MAGED1: variants seen among roughly 807,000 people sequenced by gnomAD.
MAGED1 encodes MAGE family member D1, also known as melanoma-associated antigen D1.
A neutral mutation model predicts 54.1 loss-of-function variants in MAGED1; 3 were observed. That is an observed-to-expected ratio of 0.06 (90% CI 0.03 to 0.14). MAGED1 has a LOEUF of 0.14. MAGED1 is among the 10% of genes least tolerant of loss of function. The pLI, the probability that MAGED1 is intolerant of heterozygous loss-of-function variation, is 1.00. For missense variants in MAGED1, 485 were observed against 623.4 expected (o/e 0.78, Z 2.36); for synonymous variants, 217 against 227.3 (o/e 0.95, Z 0.41).
intron 1 of MAGED1, among the ~76,000 whole-genome samples, chrX:51,834,134 G>A (rs1371473484): frequency 2.7e-5 from 3 of 111,451 alleles, no homozygotes; most frequent in Non-Finnish European, 3.8e-5. Flanking sequence ...TTATAATCCC[G>A]TATAAAATCA....
intron 1 of MAGED1, among the ~76,000 whole-genome samples, chrX:51,832,110 G>A (rs1044120754): frequency 9.0e-5 from 10 of 111,245 alleles, no homozygotes; most frequent in African/African-American, 3.3e-4. Context: ...GCGGTTCACT[G>A]CAGCTCCGCC....
chrX:51,896,372 C>G, intron 3 of MAGED1, 37 bp from the exon 4 acceptor site: 1 of 1,126,412 alleles, frequency 8.9e-7, no homozygotes, highest in Non-Finnish European at 1.2e-6. Flanking sequence ...GGACACAGAA[C>G]CCACTGGTGA....
In MAGED1 at chrX:51,901,836, A is replaced by G. The variant is rs150014410; in HGVS notation, c.2243A>G (p.Gln748Arg). Residue 748 changes from glutamine (Q) to arginine (R), a missense_variant, in exon 12 of 13, where the codon CAG becomes CGG. Gln to Arg is a conservative substitution (Grantham distance 43). Transcript: ENST00000326587. ...CAGAATGCCCGCTCCAGATTCCCTC[A>G]GACCTTTGCCGGTCCCATTATTGGT... ...YHQNARSRFP[Q>R]TFAGPIIGPG... 1 of 1,209,395 alleles carries G rather than the reference A, an allele frequency of 8.3e-7. No homozygotes were observed. The highest frequency in any genetic ancestry group is 1.8e-5 in the African/African-American group (1 of 56,937).
chrX:51,889,227 C>T (rs1344933668), upstream of MAGED1, among the ~76,000 whole-genome samples: 1 of 111,431 alleles, frequency 9.0e-6, no homozygotes, highest in Admixed American at 9.5e-5. Context: ...CTCGCAATTC[C>T]CTGTGTATCT....
chrX:51,810,903 A>G (rs1557355479), intron 1 of MAGED1, among the ~76,000 whole-genome samples: 1 of 111,996 alleles, frequency 8.9e-6, no homozygotes, highest in African/African-American at 3.2e-5. Flanking sequence ...AGTTTTCAGA[A>G]GATTGACAAA....
intron 1 of MAGED1, among the ~76,000 whole-genome samples, chrX:51,838,618 T>A (rs1022146146): frequency 2.7e-5 from 3 of 112,623 alleles, no homozygotes; most frequent in Non-Finnish European, 3.7e-5. Context: ...AGTAGCTGCT[T>A]TCTTAAAAGG....
intron 1 of MAGED1, among the ~76,000 whole-genome samples, chrX:51,883,817 A>G (rs1360265333): frequency 9.0e-6 from 1 of 111,650 alleles, no homozygotes; most frequent in Non-Finnish European, 1.9e-5. Flanking sequence ...ATTAATAGGA[A>G]ATTTTAAAAC....
At chrX:51,899,367 G>A (rs1232671401) in intron 10 of MAGED1, 1 of 110,808 alleles carries the variant, frequency 9.0e-6, no homozygotes, top group Non-Finnish European at 1.9e-5. Context: ...TCAAACTCCC[G>A]ACTTCAGGTG....
chrX:51,803,763 A>G, intron 1 of MAGED1, among the ~76,000 whole-genome samples: 1 of 101,435 alleles, frequency 9.9e-6, no homozygotes, highest in Non-Finnish European at 2.0e-5. Flanking sequence ...AAAATTACAC[A>G]TCATTTAGAT....
intron 1 of MAGED1, among the ~76,000 whole-genome samples, chrX:51,886,717 C>A (rs1455519784): frequency 2.7e-5 from 3 of 110,524 alleles, no homozygotes; most frequent in Non-Finnish European, 5.7e-5. Context: ...TTACCAATAT[C>A]AATTTTATTT....
intron 1 of MAGED1, among the ~76,000 whole-genome samples, chrX:51,814,998 C>T (rs1403449476): frequency 2.0e-5 from 2 of 100,408 alleles, no homozygotes; most frequent in Admixed American, 2.2e-4. Context: ...AAGAAATTAG[C>T]TGGGCGTGGT....
intron 1 of MAGED1, among the ~76,000 whole-genome samples, chrX:51,804,716 AAG>A: frequency 1.8e-5 from 2 of 111,477 alleles, no homozygotes; most frequent in Admixed American, 1.9e-4. Context: ...AGAAATAAAA[AAG>A]AAAAAAACAA....
At chrX:51,831,581 C>G (rs1926070734) in intron 1 of MAGED1, among the ~76,000 whole-genome samples, 1 of 111,701 alleles carries the variant, frequency 9.0e-6, no homozygotes, top group South Asian at 3.8e-4. Flanking sequence ...CCACTGGACT[C>G]CAGCCTGGGC....
At chrX:51,830,282 T>C (rs925435916) in intron 1 of MAGED1, among the ~76,000 whole-genome samples, 1 of 111,522 alleles carries the variant, frequency 9.0e-6, no homozygotes. Context: ...AATGTATGTA[T>C]AAAGAAGGAA....
chrX:51,895,674 G>A lies in MAGED1; in HGVS notation c.667G>A (p.Gly223Ser), dbSNP rs1200539590. The A allele has an allele frequency of 8.3e-7, 1 of 1,206,019 alleles. No homozygotes were observed. The highest frequency in any genetic ancestry group is 1.8e-5 in the South Asian group (1 of 55,569). Residue 223 changes from glycine to serine, a missense_variant, in exon 3 of 13, where the codon GGT becomes AGT. Gly to Ser is a moderately conservative substitution (Grantham distance 56, BLOSUM62 0). This residue lies in a region of MAGED1 where 299 missense variants were observed against 293.1 expected (regional missense o/e 1.02). Coordinates refer to ENST00000326587, the MANE Select transcript of MAGED1 (RefSeq NM_006986.4). ...CGACCCAGGTATCTCTGAACCTGAC[G>A]GTGCAACTGCACAGACATCAGCAGA... is the stretch of plus-strand genomic sequence containing the variant. ...ETDPGISEPDGATAQTSADGS... is the reference protein window; with the variant it reads ...ETDPGISEPDSATAQTSADGS...
chrX:51,892,328 G>T (rs1245924342), upstream of MAGED1, among the ~76,000 whole-genome samples: 3 of 112,183 alleles, frequency 2.7e-5, no homozygotes, highest in African/African-American at 9.7e-5. Flanking sequence ...CACAGCTCGA[G>T]ACAGACAGGC....
intron 1 of MAGED1, among the ~76,000 whole-genome samples, chrX:51,810,837 A>C (rs1925193262): frequency 8.9e-6 from 1 of 111,780 alleles, no homozygotes; most frequent in Admixed American, 9.5e-5. Context: ...TGATATAGTC[A>C]AGGAAAGGCA....
chrX:51,828,176 C>T (rs1453890527), intron 1 of MAGED1, among the ~76,000 whole-genome samples: 2 of 111,131 alleles, frequency 1.8e-5, no homozygotes, highest in Admixed American at 1.9e-4. Flanking sequence ...CCCTAGTTTT[C>T]ACAGTACACA....
At chrX:51,894,718 C>G (rs782409921) in intron 2 of MAGED1, 1 of 1,161,863 alleles carries the variant, frequency 8.6e-7, no homozygotes, top group Non-Finnish European at 1.1e-6. Context: ...CTGTGCGACC[C>G]CCCTTATTCT....
Sources: gnomAD v4.1 joint callset for allele counts (sites outside exome capture counted in the v4.1 genomes callset) on GRCh38, gnomAD v4.1.1 for gene constraint, gnomAD v4.1.1 regional missense constraint, MANE v1.5 for transcripts, NCBI Gene and HGNC (gene_info 2026-07-23, HGNC 2026-07-21) for gene names.